DLGAP2: variants seen among roughly 807,000 people sequenced by gnomAD.
DLGAP2 encodes disks large-associated protein 2.
Under a neutral mutation model 100.3 loss-of-function variants are expected in DLGAP2, and 26 were observed. The ratio of observed to expected loss-of-function variants is 0.26; its 90% CI spans 0.19 to 0.36. The LOEUF is 0.36. Among genes scored for constraint, DLGAP2 ranks in the 10% least tolerant of loss-of-function variants. The probability of loss-of-function intolerance (pLI) is 1.00; values close to 1 mark genes in which losing one functional copy is unlikely to be tolerated. For missense variants in DLGAP2, 1,858 were observed against 1,453.2 expected (o/e 1.28, Z -4.53); for synonymous variants, 886 against 630.1 (o/e 1.41, Z -6.08).
intron 2 of DLGAP2, among the ~76,000 whole-genome samples, chr8:974,451 C>T (rs917874934): frequency 4.6e-5 from 7 of 152,176 alleles, no homozygotes; most frequent in Admixed American, 4.6e-4. Context: ...AAACACATTC[C>T]TCTCAAGCTT....
At chr8:1,336,474 G>A (rs142377590) in intron 3 of DLGAP2, among the ~76,000 whole-genome samples, 257 of 152,330 alleles carry the variant, frequency 1.7e-3, no homozygotes, top group Non-Finnish European at 3.0e-3. Flanking sequence ...ACAGACGTCC[G>A]TTATGAGGAC....
At chr8:1,437,938 A>G (rs922175301) in intron 3 of DLGAP2, among the ~76,000 whole-genome samples, 28 of 152,026 alleles carry the variant, frequency 1.8e-4, no homozygotes, top group Non-Finnish European at 5.9e-5. Flanking sequence ...GTGAACCGAG[A>G]TTGCACCACT....
intron 4 of DLGAP2, among the ~76,000 whole-genome samples, chr8:1,516,294 A>C (rs1248564872): frequency 6.6e-6 from 1 of 152,042 alleles, no homozygotes; most frequent in Non-Finnish European, 1.5e-5. Flanking sequence ...TGAGTGCATG[A>C]ATGAGTGAGT....
intron 3 of DLGAP2, among the ~76,000 whole-genome samples, chr8:1,271,843 C>G (rs1228513756): frequency 2.6e-5 from 4 of 152,182 alleles, no homozygotes; most frequent in East Asian, 1.9e-4. Context: ...GAGACAGACT[C>G]TTGTTCTATC....
intron 1 of DLGAP2, among the ~76,000 whole-genome samples, chr8:851,872 C>T (rs540744554): frequency 3.9e-5 from 6 of 152,318 alleles, no homozygotes; most frequent in Middle Eastern, 3.4e-3. Context: ...GCCCCCGCTG[C>T]GTTTCCCTCT....
Position 1,287,281 on chromosome 8 carries a change from T to TG in DLGAP2, c.106+28400dup, listed in dbSNP as rs780176040. On this transcript the variant is annotated intron_variant, in intron 3 of 14. Coordinates refer to ENST00000637795, the MANE Select transcript of DLGAP2 (RefSeq NM_001346810.2). The stretch of plus-strand genomic sequence containing the variant: ...TTAGTTCAGCGTGTGTGTGTGTGTG[T>TG]GGTTGTTAGGAGGGGAACTAGTTTC... Among the ~76,000 whole-genome samples, 2 of 40,036 alleles carry TG rather than the reference T, an allele frequency of 5.0e-5. 1 individual carries two copies. The highest frequency in any genetic ancestry group is 3.9e-4 in the African/African-American group (2 of 5,108). The allele number at this position is 40,036 out of a possible 152,430, so 26.3% of individuals were successfully genotyped here.
intron 1 of DLGAP2, among the ~76,000 whole-genome samples, chr8:808,317 G>A (rs1247309611): frequency 3.9e-5 from 6 of 152,200 alleles, no homozygotes; most frequent in Admixed American, 3.3e-4. Flanking sequence ...CGCCAGGAGA[G>A]TGATGGTGCA....
chr8:1,635,508 G>T (rs911266108), intron 8 of DLGAP2, among the ~76,000 whole-genome samples: 3 of 152,210 alleles, frequency 2.0e-5, no homozygotes, highest in South Asian at 4.1e-4. Flanking sequence ...GTGTATGTGT[G>T]CGTGTGTGGT....
chr8:1,202,650 C>T (rs1238305237), intron 2 of DLGAP2, among the ~76,000 whole-genome samples: 1 of 152,166 alleles, frequency 6.6e-6, no homozygotes, highest in Non-Finnish European at 1.5e-5. Context: ...GGGGGCCAGG[C>T]AATGCCTCCT....
At chr8:1,413,961 A>C (rs1051140935) in intron 3 of DLGAP2, among the ~76,000 whole-genome samples, 5 of 152,220 alleles carry the variant, frequency 3.3e-5, no homozygotes, top group African/African-American at 7.2e-5. Context: ...TTCACTGAAG[A>C]CACCATCAAC....
chr8:1,494,846 C>G (rs146185682), intron 3 of DLGAP2, among the ~76,000 whole-genome samples: 1 of 152,194 alleles, frequency 6.6e-6, no homozygotes, highest in African/African-American at 2.4e-5. Flanking sequence ...GGCTCAGCTT[C>G]ACGGAGATCT....
At chr8:1,247,397 A>G (rs1311446235) in intron 2 of DLGAP2, among the ~76,000 whole-genome samples, 10 of 139,840 alleles carry the variant, frequency 7.2e-5, no homozygotes, top group Non-Finnish European at 1.2e-4. Context: ...GGCCGGGAAG[A>G]CCTTTGAGAT....
At chr8:1,645,677 T>C (rs182563742) in intron 8 of DLGAP2, among the ~76,000 whole-genome samples, 1 of 152,362 alleles carries the variant, frequency 6.6e-6, no homozygotes, top group Admixed American at 6.5e-5. Context: ...AGGTACTATG[T>C]ATTACCTTAA....
chr8:1,684,906 C>T (rs116748791), intron 12 of DLGAP2, among the ~76,000 whole-genome samples: 80 of 152,216 alleles, frequency 5.3e-4, no homozygotes, highest in African/African-American at 1.8e-3. Flanking sequence ...ATCTTTCAAA[C>T]GGTATCGGAA....
intron 2 of DLGAP2, among the ~76,000 whole-genome samples, chr8:983,286 C>T (rs11775930): frequency 0.26 from 37,507 of 142,340 alleles, 6,393 homozygotes; most frequent in Admixed American, 0.37. Flanking sequence ...TACAGGTCGT[C>T]GAGATGTTCT....
rs140133833 is a variant in DLGAP2, at chr8:1,023,016, T to C, written c.73+115050T>C. 9.1e-4 allele frequency among the ~76,000 whole-genome samples: 139 copies of C among 152,348 alleles called. 1 individual carries two copies. Among genetic ancestry groups the C allele is most frequent in the Middle Eastern group, 6.8e-3 (2 of 294 alleles). On this transcript the variant is annotated intron_variant, in intron 2 of 14. Coordinates refer to ENST00000637795, the MANE Select transcript of DLGAP2 (RefSeq NM_001346810.2). ...AACATTAAACTCGCATGTATCTTTG[T>C]ACAGAGGGAAGGAGCATTGCGATCT...
At chr8:1,590,234 A>G (rs1796250834) in intron 6 of DLGAP2, among the ~76,000 whole-genome samples, 1 of 152,178 alleles carries the variant, frequency 6.6e-6, no homozygotes, top group South Asian at 2.1e-4. Flanking sequence ...AAGCGAGGTC[A>G]TGTTCTGAGG....
At chr8:1,054,814 A>G (rs1227091981) in intron 2 of DLGAP2, among the ~76,000 whole-genome samples, 1 of 152,236 alleles carries the variant, frequency 6.6e-6, no homozygotes, top group African/African-American at 2.4e-5. Flanking sequence ...ATTACTCTCA[A>G]TCAAATTGTA....
chr8:1,196,249 G>A (rs981560996), intron 2 of DLGAP2, among the ~76,000 whole-genome samples: 3 of 152,212 alleles, frequency 2.0e-5, no homozygotes, highest in South Asian at 2.1e-4. Context: ...GTTTCACTGT[G>A]TGTGTGTAAA....
Sources: allele counts gnomAD v4.1 joint callset (sites outside exome capture counted in the v4.1 genomes callset), GRCh38; gene constraint gnomAD v4.1.1; transcripts MANE v1.5; gene names NCBI Gene and HGNC (gene_info 2026-07-23, HGNC 2026-07-21).